The following CFAP251 variants were observed in gnomAD, a reference collection of about 807,000 sequenced individuals.
CFAP251 encodes cilia- and flagella-associated protein 251.
A neutral mutation model predicts 126.7 loss-of-function variants in CFAP251; 93 were observed. The observed-to-expected ratio is 0.73, with a 90% CI of 0.62 to 0.87. The LOEUF (loss-of-function observed/expected upper bound fraction) is 0.87. Ranked by LOEUF, CFAP251 falls within the 40% of genes least tolerant of loss-of-function variation. The pLI is 0.00. For synonymous variants in CFAP251, 503 were observed against 506.9 expected (o/e 0.99, Z 0.10); for missense variants, 1,287 against 1,389.2 (o/e 0.93, Z 1.17).
At chr12:121,929,337 AAAAAG>A (rs1176496518) in intron 3 of CFAP251, among the ~76,000 whole-genome samples, 2 of 151,680 alleles carry the variant, frequency 1.3e-5, no homozygotes, top group Non-Finnish European at 2.9e-5. Flanking sequence ...AAAAAAAAGA[AAAAAG>A]AAAAAAAAAT....
chr12:121,951,992 G>A (rs1881545515), intron 9 of CFAP251, among the ~76,000 whole-genome samples: 1 of 151,938 alleles, frequency 6.6e-6, no homozygotes, highest in South Asian at 2.1e-4. Context: ...AAAGTGCTGG[G>A]ATTACAGGCG....
At chr12:121,929,040 AGGCCGGGAG>A in intron 3 of CFAP251, among the ~76,000 whole-genome samples, 1 of 152,162 alleles carries the variant, frequency 6.6e-6, no homozygotes, top group East Asian at 1.9e-4. Context: ...GAAAAATTGA[AGGCCGGGAG>A]CAGTGGCTCA....
At chr12:121,931,513 A>G (rs908459538) in intron 3 of CFAP251, among the ~76,000 whole-genome samples, 2 of 152,036 alleles carry the variant, frequency 1.3e-5, no homozygotes, top group East Asian at 1.9e-4. Context: ...GGATTTCACC[A>G]TGTTGGCCAG....
intron 17 of CFAP251, chr12:121,971,892 C>G: frequency 2.5e-6 from 1 of 398,290 alleles, no homozygotes; most frequent in South Asian, 2.4e-5. Context: ...CCATGTTGTT[C>G]TCGTGGTAGT....
At chr12:121,942,238 C>A (rs565886554) in intron 5 of CFAP251, among the ~76,000 whole-genome samples, 1 of 152,304 alleles carries the variant, frequency 6.6e-6, no homozygotes, top group South Asian at 2.1e-4. Context: ...CACCCTGCAT[C>A]CATTATCTGT....
chr12:121,931,381 C>T (rs142931642), intron 3 of CFAP251, among the ~76,000 whole-genome samples: 7,656 of 150,534 alleles, frequency 0.051, 215 homozygotes, highest in African/African-American at 0.06. Flanking sequence ...GGCGCGATCT[C>T]GGCTCACTGC....
At chr12:121,956,518 G>T (rs964448039) in intron 10 of CFAP251, among the ~76,000 whole-genome samples, 1 of 152,054 alleles carries the variant, frequency 6.6e-6, no homozygotes, top group Non-Finnish European at 1.5e-5. Context: ...TTTTTGAGAC[G>T]GAGTTTTGTG....
intron 19 of CFAP251, among the ~76,000 whole-genome samples, chr12:121,978,653 C>T (rs753077014): frequency 2.0e-5 from 3 of 151,900 alleles, no homozygotes; most frequent in Non-Finnish European, 2.9e-5. Context: ...CAACATTATA[C>T]AGAGGATGCG....
chr12:121,945,823 G>A (rs1360377915), intron 7 of CFAP251, among the ~76,000 whole-genome samples: 3 of 150,734 alleles, frequency 2.0e-5, no homozygotes, highest in Admixed American at 6.6e-5. Flanking sequence ...CCACCACCAC[G>A]CCTGGCTAAT....
chr12:121,928,080 C>T (rs759847222), intron 3 of CFAP251, among the ~76,000 whole-genome samples: 1 of 152,286 alleles, frequency 6.6e-6, no homozygotes, highest in East Asian at 1.9e-4. Context: ...AAGTCAGCCT[C>T]GTGGTGACCC....
Position 121,921,699 on chromosome 12 carries a change from A to C in CFAP251, c.378+16A>C, listed in dbSNP as rs751532675. The C allele has an allele frequency of 4.4e-6, 7 of 1,591,306 alleles. No homozygotes were observed. Among genetic ancestry groups the C allele is most frequent in the Admixed American group, 1.8e-5 (1 of 56,374 alleles). ...AATTTTCCCAGTAAGTAGTCATCTT[A>C]ATTCATTCATCAATTCATTCAGAAT... is the stretch of plus-strand genomic sequence containing the variant. On this transcript the variant is annotated intron_variant, in intron 2 of 21. Coordinates refer to ENST00000288912, the MANE Select transcript of CFAP251 (RefSeq NM_144668.6).
intron 19 of CFAP251, among the ~76,000 whole-genome samples, chr12:121,979,560 C>CTTTTT (rs1244446250): frequency 1.4e-4 from 5 of 35,286 alleles, no homozygotes; most frequent in Non-Finnish European, 2.4e-4. Flanking sequence ...CAGCTTTCTT[C>CTTTTT]TTCTTTTTTT....
chr12:121,958,509 C>T lies in CFAP251; in HGVS notation c.1968C>T (p.Thr656=), dbSNP rs746487641. 2 of 1,614,218 alleles carry T rather than the reference C, an allele frequency of 1.2e-6. No individual in the cohort carries two copies. Among genetic ancestry groups the T allele is most frequent in the African/African-American group, 2.7e-5 (2 of 75,074 alleles). Residue 656 remains threonine, a synonymous_variant, in exon 12 of 22, where the codon ACC becomes ACT. Coordinates refer to ENST00000288912, the MANE Select transcript of CFAP251 (RefSeq NM_144668.6). The stretch of plus-strand genomic sequence containing the variant: ...AGGGGCTTGGAGTCCAGAGTCTGAC[C>T]TACAACCCCGAAGGTATTTTCATCT... The part of the protein sequence containing the change: ...FEKGLGVQSL[T]YNPEGALLGA...
intron 4 of CFAP251, 56 bp from the exon 5 acceptor site, chr12:121,934,191 G>A: frequency 7.0e-7 from 1 of 1,423,196 alleles, no homozygotes; most frequent in Non-Finnish European, 9.7e-7. Context: ...GCTGATAGTG[G>A]CCAAGGCTGG....
At chr12:121,980,163 G>A (rs1882584212) in intron 19 of CFAP251, among the ~76,000 whole-genome samples, 3 of 152,218 alleles carry the variant, frequency 2.0e-5, no homozygotes, top group African/African-American at 7.2e-5. Context: ...TGCCACTCAG[G>A]TTGGCCAGGC....
Position 121,989,581 on chromosome 12 carries a change from T to C in CFAP251, c.3007-10135T>C, listed in dbSNP as rs570330314. On this transcript the variant is annotated intron_variant, in intron 19 of 21. Coordinates refer to ENST00000288912, the MANE Select transcript of CFAP251 (RefSeq NM_144668.6). The surrounding 1 kb of genome is among the most constrained non-coding windows in gnomAD (Gnocchi z 4.2). The stretch of plus-strand genomic sequence containing the variant: ...TTACGCCCCCTCCTCAGCCCACTAC[T>C]CCCTGCCCCGGGTCAGCGAGGAGAT... Among the ~76,000 whole-genome samples, 1 of 152,218 alleles carries C rather than the reference T, an allele frequency of 6.6e-6. No homozygotes were observed. The highest frequency in any genetic ancestry group is 2.4e-5 in the African/African-American group (1 of 41,538).
intron 2 of CFAP251, 138 bp downstream of exon 2, chr12:121,921,821 A>ATTTTTT: frequency 1.1e-6 from 1 of 933,922 alleles, no homozygotes; most frequent in African/African-American, 1.9e-5. Context: ...ACAGAGTCTC[A>ATTTTTT]CTGTTGCCCA....
At chr12:121,968,510 C>A (rs1383534128) in intron 17 of CFAP251, among the ~76,000 whole-genome samples, 1 of 151,342 alleles carries the variant, frequency 6.6e-6, no homozygotes, top group Middle Eastern at 3.4e-3. Context: ...GTAAGAGGAT[C>A]ATTTCAAGTG....
intron 3 of CFAP251, among the ~76,000 whole-genome samples, chr12:121,928,077 C>T (rs1880490658): frequency 6.6e-6 from 1 of 152,142 alleles, no homozygotes; most frequent in African/African-American, 2.4e-5. Context: ...GTGAAGTCAG[C>T]CTCGTGGTGA....
Sources: allele counts gnomAD v4.1 joint callset (sites outside exome capture counted in the v4.1 genomes callset), GRCh38; gene constraint gnomAD v4.1.1; non-coding constraint Gnocchi (gnomAD v3.1); transcripts MANE v1.5; gene names NCBI Gene and HGNC (gene_info 2026-07-23, HGNC 2026-07-21).